SPARCL1: variants seen among roughly 807,000 people sequenced by gnomAD.
SPARCL1 encodes SPARC like 1.
A neutral mutation model predicts 67.1 loss-of-function variants in SPARCL1; 52 were observed. The ratio of observed to expected loss-of-function variants is 0.78; its 90% CI spans 0.62 to 0.98. SPARCL1 has a LOEUF of 0.98. SPARCL1 is among the 50% of genes least tolerant of loss of function. The pLI, the probability that SPARCL1 is intolerant of heterozygous loss-of-function variation, is 0.00. For missense variants in SPARCL1, 717 were observed against 782.4 expected (o/e 0.92, Z 1.00); for synonymous variants, 226 against 267.8 (o/e 0.84, Z 1.52).
intron 1 of SPARCL1, chr4:87,528,166 A>C (rs559033362): frequency 6.6e-6 from 1 of 151,444 alleles, no homozygotes; most frequent in African/African-American, 2.4e-5. Flanking sequence ...CTGCAGTTAA[A>C]AGCATGTTTT....
At chr4:87,511,733 T>C (rs1725365554) in intron 1 of SPARCL1, among the ~76,000 whole-genome samples, 1 of 151,652 alleles carries the variant, frequency 6.6e-6, no homozygotes, top group South Asian at 2.1e-4. Flanking sequence ...ATTGAGGATC[T>C]CAGGGAGAGC....
chr4:87,528,554 C>A (rs967419073), intron 1 of SPARCL1: 52 of 152,036 alleles, frequency 3.4e-4, no homozygotes, highest in Admixed American at 5.9e-4. Flanking sequence ...AATTTTCCTA[C>A]CTTTTGGAAA....
intron 9 of SPARCL1, 92 bp from the exon 10 acceptor site, chr4:87,479,670 G>A: frequency 8.0e-7 from 1 of 1,252,992 alleles, no homozygotes; most frequent in Non-Finnish European, 1.1e-6. Context: ...TCTCCCATAA[G>A]GTTGCTGTAT....
chr4:87,529,039 A>G lies in SPARCL1; in HGVS notation c.-12+6T>C, dbSNP rs1560458979. 6.6e-6 allele frequency: 1 copy of G among 152,238 alleles called. No homozygotes were observed. The highest frequency in any genetic ancestry group is 1.5e-5 in the Non-Finnish European group (1 of 68,040). The allele number at this position is 152,238 out of a possible 1,614,324, so 9.4% of individuals were successfully genotyped here. A position where few individuals can be genotyped will look rare whatever the true frequency, so the allele number is the denominator to read the frequency against. Reference sequence around the variant, plus strand: ...TAGATAATGCCGTAAATTTATTACAACTTACCTTTAAGTAAGGGGCTGGAC... The same window carrying G: ...TAGATAATGCCGTAAATTTATTACAGCTTACCTTTAAGTAAGGGGCTGGAC... On this transcript the variant is annotated splice_donor_region_variant and intron_variant, in intron 1 of 10. Coordinates refer to ENST00000282470, the MANE Select transcript of SPARCL1 (RefSeq NM_004684.6).
At chr4:87,515,608 A>C (rs1725549087) in intron 1 of SPARCL1, among the ~76,000 whole-genome samples, 1 of 152,164 alleles carries the variant, frequency 6.6e-6, no homozygotes, top group Non-Finnish European at 1.5e-5. Flanking sequence ...TTCTGTTAGG[A>C]ACAGGGTGTC....
Position 87,525,430 on chromosome 4 carries a change from T to A in SPARCL1, c.-12+3615A>T, listed in dbSNP as rs569698593. 5.4e-4 allele frequency among the ~76,000 whole-genome samples: 82 copies of A among 152,314 alleles called. 1 individual carries two copies. In the South Asian group the frequency reaches 0.016, roughly 30 times the overall value. On this transcript the variant is annotated intron_variant, in intron 1 of 10. Transcript: ENST00000282470. ...AGTGCCAGGATTCAAGTCCAGGCAG[T>A]CTGCCCCAGAATTCCCCTCTATAAC...
At chr4:87,508,780 A>ATGTG (rs1491405960) in intron 1 of SPARCL1, among the ~76,000 whole-genome samples, 9 of 114,024 alleles carry the variant, frequency 7.9e-5, no homozygotes, top group African/African-American at 2.4e-4. Flanking sequence ...TGGATGAAAC[A>ATGTG]TATGTGTGTG....
intron 1 of SPARCL1, among the ~76,000 whole-genome samples, chr4:87,522,902 T>C (rs1358492230): frequency 6.6e-6 from 1 of 152,224 alleles, no homozygotes; most frequent in Non-Finnish European, 1.5e-5. Flanking sequence ...ATTTGACTTA[T>C]ATTCAAGTGC....
chr4:87,524,226 A>G (rs1048723771), intron 1 of SPARCL1, among the ~76,000 whole-genome samples: 1 of 151,526 alleles, frequency 6.6e-6, no homozygotes, highest in Non-Finnish European at 1.5e-5. Flanking sequence ...GTAAAAAGTC[A>G]CAATTCTTTT....
intron 1 of SPARCL1, among the ~76,000 whole-genome samples, chr4:87,525,515 T>G (rs1273233315): frequency 6.6e-6 from 1 of 152,128 alleles, no homozygotes; most frequent in African/African-American, 2.4e-5. Context: ...AAAAATGGAT[T>G]TATTGCAGGG....
intron 5 of SPARCL1, 126 bp downstream of exon 5, chr4:87,491,492 T>TG (rs1724323326): frequency 1.3e-6 from 1 of 775,404 alleles, no homozygotes; most frequent in Non-Finnish European, 2.3e-6. Flanking sequence ...AGCATTTCCT[T>TG]GGGGAGGACT....
intron 1 of SPARCL1, among the ~76,000 whole-genome samples, chr4:87,509,653 G>T (rs1725263152): frequency 6.6e-6 from 1 of 152,182 alleles, no homozygotes; most frequent in South Asian, 2.1e-4. Flanking sequence ...AGGGGAAGTG[G>T]GCTGGGGTAG....
At chr4:87,480,679 A>G (rs1578093920) in intron 8 of SPARCL1, among the ~76,000 whole-genome samples, 159 bp from the exon 9 acceptor site, 1 of 152,318 alleles carries the variant, frequency 6.6e-6, no homozygotes, top group African/African-American at 2.4e-5. Context: ...AATCAATACT[A>G]CAGGCCTTTC....
At chr4:87,486,654 G>A (rs934261318) in intron 7 of SPARCL1, among the ~76,000 whole-genome samples, 3 of 152,058 alleles carry the variant, frequency 2.0e-5, no homozygotes, top group African/African-American at 2.4e-5. Context: ...AATTTTGACA[G>A]TGGGGTTTTA....
chr4:87,482,346 A>G (rs2110214658), intron 8 of SPARCL1, 78 bp downstream of exon 8: 1 of 1,483,488 alleles, frequency 6.7e-7, no homozygotes. Context: ...ATGCAGAGGT[A>G]GGTAGCCCCC....
In SPARCL1 at chr4:87,482,453, C is replaced by G. The variant is rs778326082; in HGVS notation, c.1639G>C (p.Gly547Arg). The G allele has an allele frequency of 5.6e-6, 9 of 1,613,764 alleles. No homozygotes were observed. The highest frequency in any genetic ancestry group is 1.7e-5 in the Admixed American group (1 of 59,954). Reference sequence around the variant, plus strand: ...TTTCTCTGCTTCTCATTTAGATAACCAGCGTGTTCAGAGTTGGCTTCATAA... The same window carrying G: ...TTTCTCTGCTTCTCATTTAGATAACGAGCGTGTTCAGAGTTGGCTTCATAA... ...QLYEANSEHA[G>R]YLNEKQRNKV... is the part of the protein sequence containing the mutation. Residue 547 changes from glycine to arginine, a missense_variant, in exon 8 of 11, where the codon GGT becomes CGT. Physicochemically the swap from Gly to Arg is moderately radical, Grantham distance 125. Coordinates refer to ENST00000282470, the MANE Select transcript of SPARCL1 (RefSeq NM_004684.6).
chr4:87,514,434 T>C (rs1340323615), intron 1 of SPARCL1, among the ~76,000 whole-genome samples: 1 of 152,142 alleles, frequency 6.6e-6, no homozygotes, highest in Non-Finnish European at 1.5e-5. Flanking sequence ...AGTCCAAAGA[T>C]GGAACTATTT....
intron 1 of SPARCL1, among the ~76,000 whole-genome samples, chr4:87,507,249 C>T (rs568178295): frequency 2.0e-5 from 3 of 152,130 alleles, no homozygotes; most frequent in African/African-American, 4.8e-5. Context: ...AATTATCAAA[C>T]GTGTTTTGCA....
chr4:87,512,263 C>T (rs62315962), intron 1 of SPARCL1, among the ~76,000 whole-genome samples: 34,013 of 151,924 alleles, frequency 0.22, 4,393 homozygotes, highest in South Asian at 0.45. Flanking sequence ...GCCACCATGC[C>T]CGGCCCCAGA....
Sources: allele counts gnomAD v4.1 joint callset (sites outside exome capture counted in the v4.1 genomes callset), GRCh38; gene constraint gnomAD v4.1.1; transcripts MANE v1.5; gene names NCBI Gene and HGNC (gene_info 2026-07-23, HGNC 2026-07-21).